The following RAPGEF2 variants were observed in gnomAD, a reference collection of about 807,000 sequenced individuals.
The protein encoded by RAPGEF2 is Rap guanine nucleotide exchange factor 2.
A neutral mutation model predicts 186.7 loss-of-function variants in RAPGEF2; 54 were observed. The observed-to-expected ratio is 0.29, with a 90% CI of 0.23 to 0.36. RAPGEF2 has a LOEUF of 0.36. RAPGEF2 is among the 10% of genes least tolerant of loss of function. RAPGEF2 has a pLI of 1.00. For missense variants in RAPGEF2, 1,532 were observed against 2,045.0 expected (o/e 0.75, Z 4.84); for synonymous variants, 712 against 705.9 (o/e 1.01, Z -0.14).
chr4:159,229,161 G>A (rs574782518), intron 4 of RAPGEF2, among the ~76,000 whole-genome samples: 1 of 152,264 alleles, frequency 6.6e-6, no homozygotes, highest in Admixed American at 6.5e-5. Context: ...GGAGTATTAT[G>A]TTTTTAATCA....
chr4:159,318,414 C>T (rs1239556708), intron 9 of RAPGEF2, among the ~76,000 whole-genome samples: 4 of 152,164 alleles, frequency 2.6e-5, no homozygotes, highest in Admixed American at 6.6e-5. Context: ...ACCCAACGTC[C>T]TCTTCCCCTG....
rs73859110 is a variant in RAPGEF2, at chr4:159,238,753, A to G, written c.282-56A>G. ...GAAGTTTGGCTTATGTTCACAAATCATACTACTTAAATCTCTGAGGTTCTC... is the reference window on the plus strand; with the variant it reads ...GAAGTTTGGCTTATGTTCACAAATCGTACTACTTAAATCTCTGAGGTTCTC... On this transcript the variant is annotated intron_variant, in intron 4 of 29. Transcript: ENST00000691494. The G allele has an allele frequency of 3.5e-3, 4,707 of 1,334,410 alleles. 155 individuals carry two copies. In the African/African-American group the frequency reaches 0.062, roughly 18 times the overall value. 82.7% of individuals were successfully genotyped at this position (1,334,410 alleles called of 1,614,324 possible).
At chr4:159,261,968 C>G (rs943272092) in intron 7 of RAPGEF2, among the ~76,000 whole-genome samples, 1 of 152,120 alleles carries the variant, frequency 6.6e-6, no homozygotes, top group African/African-American at 2.4e-5. Flanking sequence ...TTAGCCTACT[C>G]TTTTTGCCTA....
chr4:159,261,308 C>T (rs1379582837), intron 7 of RAPGEF2, among the ~76,000 whole-genome samples: 2 of 151,958 alleles, frequency 1.3e-5, no homozygotes, highest in Non-Finnish European at 2.9e-5. Context: ...GTGATTCGCC[C>T]ACCTTGACCT....
At chr4:159,225,238 T>G (rs1340964892) in intron 4 of RAPGEF2, among the ~76,000 whole-genome samples, 2 of 152,128 alleles carry the variant, frequency 1.3e-5, no homozygotes, top group Non-Finnish European at 2.9e-5. Context: ...TTGAAAACTT[T>G]AAAATTTTGC....
At chr4:159,151,223 A>G (rs1005560968) in intron 1 of RAPGEF2, among the ~76,000 whole-genome samples, 10 of 152,226 alleles carry the variant, frequency 6.6e-5, no homozygotes, top group African/African-American at 2.4e-4. Context: ...AAGTTATACC[A>G]TACAGCTGTT....
intron 4 of RAPGEF2, among the ~76,000 whole-genome samples, chr4:159,234,741 C>A (rs1002606613): frequency 6.6e-6 from 1 of 151,404 alleles, no homozygotes; most frequent in African/African-American, 2.4e-5. Flanking sequence ...GGATTATAGG[C>A]ATGAGCCACT....
chr4:159,315,663 C>T (rs1764497822), intron 9 of RAPGEF2, among the ~76,000 whole-genome samples: 1 of 152,140 alleles, frequency 6.6e-6, no homozygotes, highest in African/African-American at 2.4e-5. Flanking sequence ...TAGGTAAGGC[C>T]ACTTGGGTCA....
intron 1 of RAPGEF2, among the ~76,000 whole-genome samples, chr4:159,173,559 C>G (rs894483871): frequency 3.3e-5 from 5 of 152,160 alleles, no homozygotes; most frequent in Non-Finnish European, 5.9e-5. Context: ...GGAGGTTTAA[C>G]TGGAGCCAGA....
intron 4 of RAPGEF2, among the ~76,000 whole-genome samples, chr4:159,233,727 G>A (rs193225809): frequency 6.6e-6 from 1 of 151,868 alleles, no homozygotes; most frequent in Admixed American, 6.6e-5. Context: ...AAGAACTTAT[G>A]TAACCAAGTG....
At chr4:159,123,754 G>A (rs947281007) in intron 1 of RAPGEF2, among the ~76,000 whole-genome samples, 3 of 151,980 alleles carry the variant, frequency 2.0e-5, no homozygotes, top group Non-Finnish European at 4.4e-5. Flanking sequence ...TCCTGACCTC[G>A]TGATCTACCT....
At chr4:159,255,988 G>A (rs143358228) in intron 7 of RAPGEF2, among the ~76,000 whole-genome samples, 1 of 152,186 alleles carries the variant, frequency 6.6e-6, no homozygotes, top group African/African-American at 2.4e-5. Flanking sequence ...TTTCATAGAT[G>A]ATCAGTACAT....
At chr4:159,244,031 TAAAAATGAATGGAGCACTTAA>T (rs956394331) in intron 7 of RAPGEF2, among the ~76,000 whole-genome samples, 13 of 151,938 alleles carry the variant, frequency 8.6e-5, no homozygotes, top group African/African-American at 3.1e-4. Flanking sequence ...TACTTATTTT[TAAAAATGAATGGAGCACTTAA>T]AAAAATGAAT....
chr4:159,251,060 A>G (rs1755300869), intron 7 of RAPGEF2, among the ~76,000 whole-genome samples: 1 of 152,106 alleles, frequency 6.6e-6, no homozygotes, highest in African/African-American at 2.4e-5. Context: ...GGGGCTTAGC[A>G]CCTGGGTGAG....
chr4:159,315,845 A>C (rs59423717), intron 9 of RAPGEF2, among the ~76,000 whole-genome samples: 592 of 152,290 alleles, frequency 3.9e-3, no homozygotes, highest in African/African-American at 0.013. Context: ...AGGATGGAAC[A>C]TGAAGACGGA....
intron 3 of RAPGEF2, among the ~76,000 whole-genome samples, chr4:159,194,849 AAGG>A (rs1748470623): frequency 1.3e-5 from 2 of 152,164 alleles, no homozygotes; most frequent in South Asian, 4.1e-4. Context: ...TGTTCCCTCA[AAGG>A]TAATACCTGT....
At chr4:159,290,949 T>A (rs1318014785) in intron 7 of RAPGEF2, among the ~76,000 whole-genome samples, 1 of 152,130 alleles carries the variant, frequency 6.6e-6, no homozygotes, top group East Asian at 1.9e-4. Flanking sequence ...CCTTTGAAAA[T>A]AAATGTGAAA....
chr4:159,314,829 CT>C, intron 9 of RAPGEF2, 61 bp downstream of exon 9: 1 of 1,459,860 alleles, frequency 6.8e-7, no homozygotes, highest in Non-Finnish European at 9.3e-7. Context: ...GCAAAATTGT[CT>C]GATGAAATAG....
In RAPGEF2 at chr4:159,143,239, T is replaced by C. The variant is rs141652649; in HGVS notation, c.69+39008T>C. 1.8e-4 allele frequency among the ~76,000 whole-genome samples: 27 copies of C among 152,156 alleles called. No homozygotes were observed. The East Asian group carries it at 5.2e-3, about 29-fold the overall frequency. ...CTGGGCAATACAGTGAGACCACGTC[T>C]CTTTAACAACCACCACTACCACCAC... is the stretch of plus-strand genomic sequence containing the variant. On this transcript the variant is annotated intron_variant, in intron 1 of 29. Transcript: ENST00000691494.
Sources: gnomAD v4.1 joint callset for allele counts (sites outside exome capture counted in the v4.1 genomes callset) on GRCh38, gnomAD v4.1.1 for gene constraint, MANE v1.5 for transcripts, NCBI Gene and HGNC (gene_info 2026-07-23, HGNC 2026-07-21) for gene names.